The following SLC35D4 variants were observed in gnomAD, a reference collection of about 807,000 sequenced individuals.
SLC35D4 encodes solute carrier family 35 member D4, also known as UDP-N-acetylglucosamine transporter SLC35D4.
At chr18:23,410,203 G>A in the SLC35D4 span, among the ~76,000 whole-genome samples, 8 of 152,162 alleles carry the variant, frequency 5.3e-5, no homozygotes, top group African/African-American at 1.7e-4. Context: ...GCATTAGGCC[G>A]GGCGCGGTGG....
At chr18:23,407,843 T>C in the SLC35D4 span, among the ~76,000 whole-genome samples, 2 of 152,222 alleles carry the variant, frequency 1.3e-5, no homozygotes, top group Non-Finnish European at 1.5e-5. Flanking sequence ...AAAGCCTCAA[T>C]ATGCGTACTT....
At chr18:23,257,571 A>G in the SLC35D4 span, 5 of 518,910 alleles carry the variant, frequency 9.6e-6, no homozygotes, top group Non-Finnish European at 1.6e-5. Context: ...GGACTCCTCA[A>G]GCACGGGAAG....
the SLC35D4 span, among the ~76,000 whole-genome samples, chr18:23,418,143 T>C: frequency 5.1e-4 from 77 of 152,252 alleles, no homozygotes; most frequent in African/African-American, 1.7e-3. Context: ...AAGGATACTA[T>C]ATCATGAAAA....
chr18:23,254,111 T>C, the SLC35D4 span, among the ~76,000 whole-genome samples: 1 of 152,332 alleles, frequency 6.6e-6, no homozygotes, highest in East Asian at 1.9e-4. Flanking sequence ...TCTTAAAACA[T>C]AGGGATGATC....
At chr18:23,409,403 T>G in the SLC35D4 span, among the ~76,000 whole-genome samples, 1 of 152,196 alleles carries the variant, frequency 6.6e-6, no homozygotes, top group Non-Finnish European at 1.5e-5. Flanking sequence ...TATCAATAAT[T>G]GAATACCAGC....
At chr18:23,242,092 G>A in the SLC35D4 span, among the ~76,000 whole-genome samples, 40 of 152,194 alleles carry the variant, frequency 2.6e-4, no homozygotes, top group Admixed American at 9.2e-4. Flanking sequence ...CCTGACCAAC[G>A]TGGTGAAACA....
At chr18:23,399,478 T>G in the SLC35D4 span, 1 of 1,155,214 alleles carries the variant, frequency 8.7e-7, no homozygotes, top group Non-Finnish European at 1.3e-6. Context: ...AAGTGATTCT[T>G]TGCCCTTATT....
the SLC35D4 span, among the ~76,000 whole-genome samples, chr18:23,301,542 A>C: frequency 5.1e-4 from 78 of 152,240 alleles, no homozygotes; most frequent in Non-Finnish European, 9.6e-4. Flanking sequence ...TGCTAGGCTC[A>C]AGTTCAAGTG....
chr18:23,404,095 C>T, the SLC35D4 span, among the ~76,000 whole-genome samples: 3 of 151,550 alleles, frequency 2.0e-5, no homozygotes, highest in Non-Finnish European at 4.4e-5. Flanking sequence ...TCCAGCCTGG[C>T]GATAGAGCAA....
the SLC35D4 span, among the ~76,000 whole-genome samples, chr18:23,283,471 CAAA>C: frequency 5.9e-4 from 26 of 44,438 alleles, no homozygotes; most frequent in East Asian, 0.019. Flanking sequence ...GACCCAGTCT[CAAA>C]AAAAAAAAAA....
At chr18:23,256,100 C>T in the SLC35D4 span, among the ~76,000 whole-genome samples, 2 of 152,156 alleles carry the variant, frequency 1.3e-5, no homozygotes, top group African/African-American at 2.4e-5. Flanking sequence ...AGCAAGAAAC[C>T]TAACTCAAGG....
the SLC35D4 span, among the ~76,000 whole-genome samples, chr18:23,265,897 A>G: frequency 6.6e-6 from 1 of 152,178 alleles, no homozygotes; most frequent in African/African-American, 2.4e-5. Flanking sequence ...TGAAGCATAC[A>G]TACTGTTCTA....
chr18:23,338,033 G>A, the SLC35D4 span, among the ~76,000 whole-genome samples: 1 of 152,234 alleles, frequency 6.6e-6, no homozygotes, highest in South Asian at 2.1e-4. Context: ...TATGGAGACA[G>A]CTTTGAAGGA....
chr18:23,435,537 T>G, the SLC35D4 span, among the ~76,000 whole-genome samples: 1 of 152,352 alleles, frequency 6.6e-6, no homozygotes, highest in East Asian at 1.9e-4. Context: ...TGCTTTTAGT[T>G]TAGCTACTTG....
the SLC35D4 span, among the ~76,000 whole-genome samples, chr18:23,327,655 A>G: frequency 6.6e-6 from 1 of 152,204 alleles, no homozygotes; most frequent in Non-Finnish European, 1.5e-5. Context: ...TTCTGAAACT[A>G]TTCCAATCAA....
chr18:23,277,042 T>A, the SLC35D4 span, among the ~76,000 whole-genome samples: 1 of 152,186 alleles, frequency 6.6e-6, no homozygotes, highest in African/African-American at 2.4e-5. Flanking sequence ...TTCTTTTTTC[T>A]CATGAGTCTA....
the SLC35D4 span, among the ~76,000 whole-genome samples, chr18:23,371,260 A>G: frequency 6.6e-6 from 1 of 151,808 alleles, no homozygotes; most frequent in Non-Finnish European, 1.5e-5. Context: ...ATGCCTGGCT[A>G]ATTTTTGTAT....
chr18:23,363,732 TG>T, the SLC35D4 span, among the ~76,000 whole-genome samples: 10 of 152,258 alleles, frequency 6.6e-5, no homozygotes, highest in Admixed American at 3.3e-4. Context: ...GTCTGCTGGG[TG>T]GCAGCTACCT....
chr18:23,378,820 T>G, the SLC35D4 span, among the ~76,000 whole-genome samples: 2 of 149,646 alleles, frequency 1.3e-5, no homozygotes, highest in Admixed American at 6.6e-5. Flanking sequence ...ACATATTGTT[T>G]AGACGTGAAG....
Sources: gnomAD v4.1 joint callset for allele counts (sites outside exome capture counted in the v4.1 genomes callset) on GRCh38, gnomAD v4.1.1 for gene constraint, MANE v1.5 for transcripts, NCBI Gene and HGNC (gene_info 2026-07-23, HGNC 2026-07-21) for gene names.